CDK19: variants seen among roughly 807,000 people sequenced by gnomAD.
The protein encoded by CDK19 is cyclin dependent kinase 19.
CDK19 carries 20 observed loss-of-function variants against 68.3 expected under a neutral mutation model. The ratio of observed to expected loss-of-function variants is 0.29; its 90% CI spans 0.21 to 0.43. The LOEUF (loss-of-function observed/expected upper bound fraction) is 0.43. CDK19 is among the 20% of genes least tolerant of loss of function. CDK19 has a pLI of 1.00. For synonymous variants in CDK19, 221 were observed against 222.8 expected (o/e 0.99, Z 0.07); for missense variants, 339 against 623.5 (o/e 0.54, Z 4.86).
intron 1 of CDK19, among the ~76,000 whole-genome samples, chr6:110,761,795 A>G (rs2114954957): frequency 6.6e-6 from 1 of 152,322 alleles, no homozygotes. Flanking sequence ...CTAAATACTA[A>G]GTTCATTGAA....
At chr6:110,746,089 A>T (rs1308422978) in intron 2 of CDK19, 37 bp downstream of exon 2, 2 of 1,064,686 alleles carry the variant, frequency 1.9e-6, no homozygotes, top group African/African-American at 3.3e-5. Context: ...ACCCAATATC[A>T]ATAATAAAAT....
chr6:110,773,477 T>G (rs1780185030), intron 1 of CDK19, among the ~76,000 whole-genome samples: 1 of 152,144 alleles, frequency 6.6e-6, no homozygotes, highest in African/African-American at 2.4e-5. Context: ...GCCCCTCTAT[T>G]GTGAAGCAAT....
At chr6:110,804,127 G>T (rs1782516025) in intron 1 of CDK19, among the ~76,000 whole-genome samples, 1 of 152,106 alleles carries the variant, frequency 6.6e-6, no homozygotes, top group South Asian at 2.1e-4. Context: ...AATAGGTTTT[G>T]TTCTATAACT....
rs142567752 is a variant in CDK19, at chr6:110,675,482, C to T, written c.205-4941G>A. Among the ~76,000 whole-genome samples the T allele has an allele frequency of 1.5e-3, 223 of 152,066 alleles. 1 individual carries two copies. The highest frequency in any genetic ancestry group is 5.2e-3 in the African/African-American group (217 of 41,492). ...GCCTCTACGAAAAATACAAAACTAG[C>T]CGGGTGTGGTGGCGCATGCCTGTAA... On this transcript the variant is annotated intron_variant, in intron 2 of 12. Transcript: ENST00000368911.
intron 2 of CDK19, among the ~76,000 whole-genome samples, chr6:110,745,397 T>C (rs978348071): frequency 3.9e-5 from 6 of 152,160 alleles, no homozygotes; most frequent in African/African-American, 1.4e-4. Flanking sequence ...ATCCTATTAT[T>C]ATAATGGTCT....
chr6:110,611,785 C>CA lies in CDK19; in HGVS notation c.*2749dup, dbSNP rs879868984. 299 of 129,724 alleles carry CA rather than the reference C, an allele frequency of 2.3e-3. No individual in the cohort carries two copies. The highest frequency in any genetic ancestry group is 6.3e-3 in the East Asian group (29 of 4,580). The allele number at this position is 129,724 out of a possible 1,614,324, so 8.0% of individuals were successfully genotyped here. ...TGGGTGACAGAGCAACACTCCGTCTCAAAAAAAAAAAAGGCTTTGTTCCCC... is the reference window on the plus strand; with the variant it reads ...TGGGTGACAGAGCAACACTCCGTCTCAAAAAAAAAAAAAGGCTTTGTTCCCC... On this transcript the variant is annotated 3_prime_UTR_variant, in exon 13 of 13. Transcript: ENST00000368911.
At chr6:110,642,609 G>A (rs1436783001) in intron 4 of CDK19, among the ~76,000 whole-genome samples, 1 of 152,192 alleles carries the variant, frequency 6.6e-6, no homozygotes, top group African/African-American at 2.4e-5. Flanking sequence ...TGCTATTATG[G>A]CTGACTAAGT....
rs529409971 is a variant in CDK19, at chr6:110,744,482, TG to T, written c.204+1643del. Among the ~76,000 whole-genome samples the T allele has an allele frequency of 3.1e-4, 47 of 152,126 alleles. No homozygotes were observed. In the East Asian group the frequency reaches 7.2e-3, roughly 23 times the overall value. ...AGGGGTTCAAGGTTACAGTGAGATA[TG>T]ATTAAGCCACTGCACTCCAGCCTGG... is the stretch of plus-strand genomic sequence containing the variant. On this transcript the variant is annotated intron_variant, in intron 2 of 12. Transcript: ENST00000368911.
Position 110,613,224 on chromosome 6 carries a change from CTT to C in CDK19, c.*1309_*1310del, listed in dbSNP as rs5879077. ...TAGATAATGGAAATGCAAATATTCA[CTT>C]TGTCTAGTATAGTCTTATACTATCC... On this transcript the variant is annotated 3_prime_UTR_variant, in exon 13 of 13. Transcript: ENST00000368911. 37,888 of 152,384 alleles carry C rather than the reference CTT, an allele frequency of 0.25. 4,915 individuals carry two copies. Among genetic ancestry groups the C allele is most frequent in the East Asian group, 0.37 (1,901 of 5,160 alleles). The allele number at this position is 152,384 out of a possible 1,614,324, so 9.4% of individuals were successfully genotyped here. A position where few individuals can be genotyped will look rare whatever the true frequency, so the allele number is the denominator to read the frequency against.
intron 2 of CDK19, among the ~76,000 whole-genome samples, chr6:110,728,450 T>C (rs1776508132): frequency 6.6e-6 from 1 of 152,140 alleles, no homozygotes; most frequent in Non-Finnish European, 1.5e-5. Context: ...GAAAAATCTC[T>C]AAGTTTTTTT....
chr6:110,662,274 C>A (rs555589212), intron 4 of CDK19, among the ~76,000 whole-genome samples: 1 of 152,068 alleles, frequency 6.6e-6, no homozygotes, highest in Non-Finnish European at 1.5e-5. Flanking sequence ...CTGGCCTCCA[C>A]ACATATTTTT....
intron 2 of CDK19, among the ~76,000 whole-genome samples, chr6:110,696,681 G>C (rs866270708): frequency 6.6e-6 from 1 of 152,118 alleles, no homozygotes; most frequent in East Asian, 1.9e-4. Context: ...CAGCACTTTG[G>C]GAAGCTGAGG....
chr6:110,812,800 T>G (rs1176478343), intron 1 of CDK19, among the ~76,000 whole-genome samples: 9 of 138,762 alleles, frequency 6.5e-5, no homozygotes, highest in African/African-American at 2.4e-4. Context: ...ATCTGCCCAC[T>G]GTTTAAAACA....
intron 3 of CDK19, among the ~76,000 whole-genome samples, chr6:110,668,329 T>G (rs553760734): frequency 5.2e-4 from 79 of 152,326 alleles, no homozygotes; most frequent in African/African-American, 1.5e-3. Context: ...GATGAAATTG[T>G]CAATAGCGCT....
intron 2 of CDK19, among the ~76,000 whole-genome samples, chr6:110,715,752 G>A (rs570932240): frequency 6.6e-6 from 1 of 152,320 alleles, no homozygotes; most frequent in African/African-American, 2.4e-5. Context: ...CTCCCAAAGT[G>A]CTGGGATTAC....
chr6:110,747,335 A>C (rs1164222006), intron 1 of CDK19, among the ~76,000 whole-genome samples: 3 of 152,160 alleles, frequency 2.0e-5, no homozygotes, highest in Non-Finnish European at 4.4e-5. Context: ...TTTCCCTCAC[A>C]ATGAGTTTGA....
chr6:110,768,974 G>A (rs753753678), intron 1 of CDK19, among the ~76,000 whole-genome samples: 8 of 151,388 alleles, frequency 5.3e-5, no homozygotes, highest in Non-Finnish European at 8.8e-5. Flanking sequence ...CCAACATGAC[G>A]AAACCCCATC....
chr6:110,796,871 G>A (rs1205669041), intron 1 of CDK19, among the ~76,000 whole-genome samples: 12 of 151,088 alleles, frequency 7.9e-5, no homozygotes, highest in South Asian at 4.2e-4. Context: ...TTAGCCAGGC[G>A]TGGTGGCACA....
At chr6:110,768,042 T>G (rs749045510) in intron 1 of CDK19, among the ~76,000 whole-genome samples, 9 of 150,804 alleles carry the variant, frequency 6.0e-5, no homozygotes, top group Non-Finnish European at 1.3e-4. Flanking sequence ...GAAAAGAAAA[T>G]AAAAAGAAAA....
Sources: gnomAD v4.1 joint callset for allele counts (sites outside exome capture counted in the v4.1 genomes callset) on GRCh38, gnomAD v4.1.1 for gene constraint, MANE v1.5 for transcripts, NCBI Gene and HGNC (gene_info 2026-07-23, HGNC 2026-07-21) for gene names.